The following SNX14 variants were observed in gnomAD, a reference collection of about 807,000 sequenced individuals.
The protein encoded by SNX14 is sorting nexin 14, also known as sorting nexin-14.
In SNX14, 93 loss-of-function variants were observed where a neutral mutation model predicts 133.8. The observed-to-expected ratio is 0.70, with a 90% CI of 0.59 to 0.83. The LOEUF (loss-of-function observed/expected upper bound fraction) is 0.83, where lower values mean the gene tolerates loss of function less well. Ranked by LOEUF, SNX14 falls within the 40% of genes least tolerant of loss-of-function variation. SNX14 has a pLI of 0.00. For synonymous variants in SNX14, 368 were observed against 365.6 expected (o/e 1.01, Z -0.07); for missense variants, 945 against 1,094.9 (o/e 0.86, Z 1.93).
intron 23 of SNX14, 118 bp from the exon 24 acceptor site, chr6:85,514,747 A>G: frequency 2.1e-6 from 2 of 959,622 alleles, no homozygotes; most frequent in Middle Eastern, 3.4e-4. Flanking sequence ...ATCAAAACAG[A>G]ATATTAGATA....
At chr6:85,574,112 A>G (rs1242416017) in intron 2 of SNX14, 146 bp downstream of exon 2, 1 of 479,452 alleles carries the variant, frequency 2.1e-6, no homozygotes, top group Admixed American at 6.6e-5. Context: ...AGAGTACCTA[A>G]AAAAAACAAA....
chr6:85,565,648 T>C (rs1793578577), intron 5 of SNX14, among the ~76,000 whole-genome samples: 1 of 152,208 alleles, frequency 6.6e-6, no homozygotes, highest in Non-Finnish European at 1.5e-5. Context: ...TTGTAACATA[T>C]ATTTCCTTGC....
chr6:85,526,490 T>C (rs1778523960), intron 20 of SNX14, among the ~76,000 whole-genome samples: 1 of 152,142 alleles, frequency 6.6e-6, no homozygotes, highest in Non-Finnish European at 1.5e-5. Flanking sequence ...AGTTCCTAAA[T>C]TGCCCAAGAG....
chr6:85,555,962 T>C (rs571420877), intron 7 of SNX14, among the ~76,000 whole-genome samples: 76 of 151,652 alleles, frequency 5.0e-4, no homozygotes, highest in African/African-American at 1.8e-3. Flanking sequence ...GTCTCCAGAC[T>C]GGGCAACTAG....
chr6:85,554,247 T>C (rs1398015375), intron 7 of SNX14, among the ~76,000 whole-genome samples: 1 of 151,780 alleles, frequency 6.6e-6, no homozygotes, highest in African/African-American at 2.4e-5. Flanking sequence ...TATGTAGCTA[T>C]ACATATGTAT....
At chr6:85,583,687 C>T (rs999916086) in intron 1 of SNX14, among the ~76,000 whole-genome samples, 4 of 152,172 alleles carry the variant, frequency 2.6e-5, no homozygotes, top group African/African-American at 9.7e-5. Context: ...ATACAATTTA[C>T]AAGGGATGTG....
intron 4 of SNX14, among the ~76,000 whole-genome samples, chr6:85,570,666 A>C (rs2128187908): frequency 6.6e-6 from 1 of 152,120 alleles, no homozygotes; most frequent in African/African-American, 2.4e-5. Flanking sequence ...CAGCCTGGCC[A>C]ATATGGTGAA....
intron 4 of SNX14, chr6:85,568,543 A>G (rs1419071818): frequency 6.6e-6 from 1 of 152,236 alleles, no homozygotes; most frequent in Admixed American, 6.5e-5. Flanking sequence ...AAAATAAAAC[A>G]AACCCTGGGT....
intron 20 of SNX14, among the ~76,000 whole-genome samples, chr6:85,527,125 A>C (rs1405858263): frequency 1.3e-5 from 2 of 152,176 alleles, no homozygotes; most frequent in Non-Finnish European, 2.9e-5. Flanking sequence ...ACCCAGTCTT[A>C]ATAGTTTCCT....
rs1435100001 is a variant in SNX14, at chr6:85,564,846, G to A, written c.549+486C>T. Among the ~76,000 whole-genome samples, 5 of 151,892 alleles carry A rather than the reference G, an allele frequency of 3.3e-5. No individual in the cohort carries two copies. In the South Asian group the frequency reaches 6.2e-4, roughly 19 times the overall value. On this transcript the variant is annotated intron_variant, in intron 6 of 28. Coordinates refer to ENST00000314673, the MANE Select transcript of SNX14 (RefSeq NM_153816.6). ...CTACTAAAAATACAAAAAATTAGCC[G>A]GGCGTGGTGGCATATTCCTGTAGTC...
intron 1 of SNX14, among the ~76,000 whole-genome samples, chr6:85,576,258 T>C (rs548928480): frequency 4.1e-4 from 63 of 152,320 alleles, no homozygotes; most frequent in African/African-American, 1.5e-3. Flanking sequence ...CAGTAGAGAC[T>C]ACAATCCCTT....
intron 1 of SNX14, among the ~76,000 whole-genome samples, chr6:85,584,570 C>T (rs1425554008): frequency 1.3e-5 from 2 of 152,090 alleles, no homozygotes; most frequent in Non-Finnish European, 2.9e-5. Context: ...CAAACAACCC[C>T]ATCAAAAAGT....
chr6:85,590,910 G>A (rs527367791), intron 1 of SNX14, among the ~76,000 whole-genome samples: 5 of 152,092 alleles, frequency 3.3e-5, no homozygotes, highest in Admixed American at 6.5e-5. Context: ...TCTTGAAATG[G>A]CAGGCAATCA....
chr6:85,587,426 C>G (rs1311785141), intron 1 of SNX14, among the ~76,000 whole-genome samples: 3 of 152,094 alleles, frequency 2.0e-5, no homozygotes, highest in Non-Finnish European at 2.9e-5. Flanking sequence ...AGACTATGAA[C>G]AACTATATAT....
chr6:85,547,752 C>T (rs1191113351), intron 9 of SNX14, among the ~76,000 whole-genome samples: 1 of 152,066 alleles, frequency 6.6e-6, no homozygotes, highest in African/African-American at 2.4e-5. Context: ...TGAAAATGGG[C>T]AAATAAAAGC....
intron 1 of SNX14, among the ~76,000 whole-genome samples, chr6:85,591,959 G>GC (rs1301345153): frequency 6.6e-6 from 1 of 152,216 alleles, no homozygotes; most frequent in Non-Finnish European, 1.5e-5. Flanking sequence ...GTTGCAGTGA[G>GC]CCGAGACCGC....
chr6:85,574,263 GT>G lies in SNX14; in HGVS notation c.255del (p.Lys85AsnfsTer5). ...LPNIFFTIKY[K>X]PKQLGLQELF... Reference sequence around the variant, plus strand: ...ATAAGAACACATAATTTTACCTTGGGTTTGTATTTTATTGTGAAGAATATAT... The same window carrying G: ...ATAAGAACACATAATTTTACCTTGGGTTGTATTTTATTGTGAAGAATATAT... On this transcript the variant is annotated frameshift_variant, in exon 2 of 29. Coordinates refer to ENST00000314673, the MANE Select transcript of SNX14 (RefSeq NM_153816.6). LOFTEE classifies it high-confidence loss of function. 6.3e-7 allele frequency: 1 copy of G among 1,578,344 alleles called. No individual in the cohort carries two copies. The highest frequency in any genetic ancestry group is 8.6e-7 in the Non-Finnish European group (1 of 1,156,454).
intron 12 of SNX14, among the ~76,000 whole-genome samples, 198 bp from the exon 13 acceptor site, chr6:85,543,958 T>C (rs1179118136): frequency 2.0e-5 from 3 of 152,214 alleles, no homozygotes; most frequent in African/African-American, 7.2e-5. Flanking sequence ...TTTTTATACA[T>C]TAATAGAAAA....
At chr6:85,518,149 G>A in intron 21 of SNX14, 101 bp from the exon 22 acceptor site, 2 of 916,872 alleles carry the variant, frequency 2.2e-6, no homozygotes, top group Non-Finnish European at 3.4e-6. Flanking sequence ...AAATAGCCAA[G>A]TTAAAACTGT....
Sources: gnomAD v4.1 joint callset for allele counts (sites outside exome capture counted in the v4.1 genomes callset) on GRCh38, gnomAD v4.1.1 for gene constraint, MANE v1.5 for transcripts, NCBI Gene and HGNC (gene_info 2026-07-23, HGNC 2026-07-21) for gene names.